Variants in ZNF609 observed in about 807,000 individuals in gnomAD.
ZNF609 encodes zinc finger protein 609.
ZNF609 carries 11 observed loss-of-function variants against 109.5 expected under a neutral mutation model. The observed-to-expected ratio is 0.10, with a 90% CI of 0.06 to 0.17. The LOEUF (loss-of-function observed/expected upper bound fraction) is 0.17, where lower values mean the gene tolerates loss of function less well. ZNF609 is among the 10% of genes least tolerant of loss of function. The pLI, the probability that ZNF609 is intolerant of heterozygous loss-of-function variation, is 1.00. For synonymous variants in ZNF609, 646 were observed against 662.0 expected, an observed-to-expected ratio of 0.98 and a Z score of 0.37; for missense variants, 1,559 against 1,772.4, an observed-to-expected ratio of 0.88 and a Z score of 2.16.
chr15:64,539,111 C>G (rs1187658187), intron 2 of ZNF609, among the ~76,000 whole-genome samples: 1 of 151,968 alleles, frequency 6.6e-6, no homozygotes, highest in Non-Finnish European at 1.5e-5. Flanking sequence ...TCAAGTGATT[C>G]TCCTGCCTCA....
At chr15:64,536,533 A>G (rs971640176) in intron 2 of ZNF609, among the ~76,000 whole-genome samples, 1 of 152,026 alleles carries the variant, frequency 6.6e-6, no homozygotes, top group Admixed American at 6.6e-5. Flanking sequence ...AAAAACCACA[A>G]TACATATTAA....
At chr15:64,489,990 G>T (rs150897531) in intron 1 of ZNF609, among the ~76,000 whole-genome samples, 5 of 152,076 alleles carry the variant, frequency 3.3e-5, no homozygotes, top group Admixed American at 6.5e-5. Context: ...ACAGCACCTC[G>T]CTCTGTCACC....
intron 2 of ZNF609, among the ~76,000 whole-genome samples, chr15:64,520,021 T>C (rs1396887726): frequency 6.6e-6 from 1 of 152,224 alleles, no homozygotes; most frequent in African/African-American, 2.4e-5. Context: ...GCCTCTCTTG[T>C]CTTTCCAGGC....
intron 2 of ZNF609, among the ~76,000 whole-genome samples, chr15:64,544,983 C>T (rs1016020417): frequency 2.6e-5 from 4 of 152,140 alleles, no homozygotes; most frequent in African/African-American, 9.7e-5. Context: ...TATGAGAAAA[C>T]TGTGTACCTG....
chr15:64,631,766 A>T (rs1896084267), intron 3 of ZNF609: 1 of 199,602 alleles, frequency 5.0e-6, no homozygotes. Flanking sequence ...CTAGTCTCAA[A>T]TTCCTGACTT....
rs931536230 is a variant in ZNF609 at position 64,608,749 on chromosome 15, A to G, written c.748-14078A>G. On this transcript the variant is annotated intron_variant, in intron 2 of 9. Coordinates refer to ENST00000326648, the MANE Select transcript of ZNF609 (RefSeq NM_015042.2). Reference sequence around the variant, plus strand: ...CGTGTGTGTGTGTGTGTGTGTGTGTATTTTTTTGATACAGCATCTCACTTT... The same window carrying G: ...CGTGTGTGTGTGTGTGTGTGTGTGTGTTTTTTTGATACAGCATCTCACTTT... Among the ~76,000 whole-genome samples the G allele has an allele frequency of 2.1e-4, 21 of 98,922 alleles. No homozygotes were observed. In the South Asian group the frequency reaches 2.5e-3, roughly 12 times the overall value. 64.9% of individuals were successfully genotyped at this position (98,922 alleles called of 152,430 possible).
Position 64,675,829 on chromosome 15 carries a change from C to A in ZNF609, c.2975C>A (p.Thr992Asn), listed in dbSNP as rs760057738. The A allele has an allele frequency of 1.9e-5, 30 of 1,614,092 alleles. No individual in the cohort carries two copies. The highest frequency in any genetic ancestry group is 2.5e-5 in the Non-Finnish European group (30 of 1,180,048). The change falls in exon 5 of 10, where the codon ACC becomes AAC. Residue 992 changes from threonine to asparagine, a missense_variant. Physicochemically the swap from Thr to Asn is moderately conservative, Grantham distance 65. Transcript: ENST00000326648. ...GGCTACAGCGACCAGAGTTACCACA[C>A]CCACCTTCTGAGCACTAACACGGCT... is the stretch of plus-strand genomic sequence containing the variant. ...PYGYSDQSYHTHLLSTNTAYR... is the reference protein window; with the variant it reads ...PYGYSDQSYHNHLLSTNTAYR...
chr15:64,582,097 C>T (rs1895112956), intron 2 of ZNF609, among the ~76,000 whole-genome samples: 1 of 152,166 alleles, frequency 6.6e-6, no homozygotes, highest in African/African-American at 2.4e-5. Flanking sequence ...CCTGTCTCAG[C>T]TACTACTCCC....
At position 64,576,135 on chromosome 15, in the gene ZNF609, G is replaced by C. The variant is rs543114114; in HGVS notation, c.748-46692G>C. Reference sequence around the variant, plus strand: ...ATAATAATAATTACTTGATATACTTGAAAAATTAATAAAAATGGGGGCTAA... The same window carrying C: ...ATAATAATAATTACTTGATATACTTCAAAAATTAATAAAAATGGGGGCTAA... On this transcript the variant is annotated intron_variant, in intron 2 of 9. Coordinates refer to ENST00000326648, the MANE Select transcript of ZNF609 (RefSeq NM_015042.2). Among the ~76,000 whole-genome samples the C allele has an allele frequency of 1.5e-4, 23 of 152,108 alleles. No individual in the cohort carries two copies. The East Asian group carries it at 4.4e-3, about 29-fold the overall frequency.
intron 2 of ZNF609, among the ~76,000 whole-genome samples, chr15:64,618,602 A>G (rs1895834559): frequency 1.3e-5 from 2 of 152,154 alleles, no homozygotes; most frequent in Admixed American, 6.5e-5. Context: ...AGTAATGCTC[A>G]GCAGATTGGG....
intron 3 of ZNF609, among the ~76,000 whole-genome samples, chr15:64,647,187 A>G (rs1896348999): frequency 6.6e-6 from 1 of 152,034 alleles, no homozygotes; most frequent in Admixed American, 6.6e-5. Context: ...AACCTTGAAA[A>G]TACATGTTAA....
At chr15:64,475,282 T>G (rs1338895646) in intron 1 of ZNF609, among the ~76,000 whole-genome samples, 1 of 151,868 alleles carries the variant, frequency 6.6e-6, no homozygotes, top group Non-Finnish European at 1.5e-5. Context: ...TCCTGAAGCC[T>G]TTCTTATCCC....
At chr15:64,632,656 A>C (rs993323890) in intron 3 of ZNF609, among the ~76,000 whole-genome samples, 3 of 151,592 alleles carry the variant, frequency 2.0e-5, no homozygotes, top group Non-Finnish European at 4.4e-5. Flanking sequence ...TTTTTAGTAG[A>C]GATGTGGTTT....
intron 3 of ZNF609, among the ~76,000 whole-genome samples, chr15:64,623,661 G>T (rs1895911604): frequency 6.6e-6 from 1 of 152,126 alleles, no homozygotes; most frequent in Non-Finnish European, 1.5e-5. Context: ...GGTTGCTGTT[G>T]CCCAAGGCAT....
At chr15:64,594,330 T>C (rs1029044021) in intron 2 of ZNF609, among the ~76,000 whole-genome samples, 12 of 151,184 alleles carry the variant, frequency 7.9e-5, no homozygotes, top group Admixed American at 2.0e-4. Flanking sequence ...TGGAGAATGC[T>C]CAAAATTTTT....
intron 2 of ZNF609, among the ~76,000 whole-genome samples, chr15:64,590,388 A>C (rs1226974300): frequency 6.6e-6 from 1 of 151,962 alleles, no homozygotes; most frequent in Non-Finnish European, 1.5e-5. Flanking sequence ...GTGGCATGAT[A>C]TCAGCTCACT....
At chr15:64,602,716 CTTTTTTTT>C (rs10600561) in intron 2 of ZNF609, among the ~76,000 whole-genome samples, 4 of 55,572 alleles carry the variant, frequency 7.2e-5, no homozygotes, top group Non-Finnish European at 9.7e-5. Context: ...TTTTTTCTTT[CTTTTTTTT>C]TTTTTTTTTT....
intron 2 of ZNF609, among the ~76,000 whole-genome samples, chr15:64,616,812 CTTTTTTTTTTTT>C (rs56338576): frequency 1.2e-3 from 41 of 32,856 alleles, no homozygotes; most frequent in South Asian, 5.4e-3. Context: ...AGCCACCATG[CTTTTTTTTTTTT>C]TTTTTTTTTT....
At chr15:64,495,320 AT>A in intron 1 of ZNF609, among the ~76,000 whole-genome samples, 1 of 152,150 alleles carries the variant, frequency 6.6e-6, no homozygotes, top group Non-Finnish European at 1.5e-5. Context: ...TGCAGTTGAT[AT>A]TTGTATTTAT....
Sources: gnomAD v4.1 joint callset for allele counts (sites outside exome capture counted in the v4.1 genomes callset) on GRCh38, gnomAD v4.1.1 for gene constraint, MANE v1.5 for transcripts, NCBI Gene and HGNC (gene_info 2026-07-23, HGNC 2026-07-21) for gene names.